TBCE: variants seen among roughly 807,000 people sequenced by gnomAD.
The protein encoded by TBCE is tubulin folding cofactor E.
TBCE carries 53 observed loss-of-function variants against 77.0 expected under a neutral mutation model. That is an observed-to-expected ratio of 0.69 (90% CI 0.55 to 0.87). The LOEUF (loss-of-function observed/expected upper bound fraction) is 0.87. Ranked by LOEUF, TBCE falls within the 40% of genes least tolerant of loss-of-function variation. The pLI, the probability that TBCE is intolerant of heterozygous loss-of-function variation, is 0.00. For synonymous variants in TBCE, 235 were observed against 241.3 expected (o/e 0.97, Z 0.24); for missense variants, 624 against 622.4 (o/e 1.00, Z -0.03).
intron 5 of TBCE, among the ~76,000 whole-genome samples, chr1:235,420,247 T>C (rs1398556182): frequency 6.6e-6 from 1 of 151,946 alleles, no homozygotes; most frequent in African/African-American, 2.4e-5. Flanking sequence ...AGAGGGAACC[T>C]GGGCTGCTGA....
At chr1:235,393,255 A>G (rs1197482428) in intron 2 of TBCE, among the ~76,000 whole-genome samples, 4 of 152,120 alleles carry the variant, frequency 2.6e-5, no homozygotes, top group Non-Finnish European at 5.9e-5. Flanking sequence ...ATAGTATTTA[A>G]TGGTCGGGCG....
At position 235,449,114 on chromosome 1, in the gene TBCE, A is replaced by C. The variant is rs771536610; in HGVS notation, c.*352A>C. 2.4e-5 allele frequency: 7 copies of C among 286,624 alleles called. No homozygotes were observed. The highest frequency in any genetic ancestry group is 4.0e-5 in the Non-Finnish European group (6 of 148,256). The allele number at this position is 286,624 out of a possible 1,614,324, so 17.8% of individuals were successfully genotyped here. The stretch of plus-strand genomic sequence containing the variant: ...CTGTCATAAGACTAGTTTTAATGGA[A>C]TTCTCTATTGAAACTACTATTTTAA... On this transcript the variant is annotated 3_prime_UTR_variant, in exon 17 of 17. Transcript: ENST00000642610.
chr1:235,389,690 C>T (rs1331916959), intron 2 of TBCE, among the ~76,000 whole-genome samples: 1 of 152,052 alleles, frequency 6.6e-6, no homozygotes, highest in African/African-American at 2.4e-5. Flanking sequence ...AAATTGAACA[C>T]AGATTTAGTA....
chr1:235,439,969 T>G (rs1234404854), intron 13 of TBCE, among the ~76,000 whole-genome samples: 1 of 151,520 alleles, frequency 6.6e-6, no homozygotes, highest in Non-Finnish European at 1.5e-5. Flanking sequence ...GCCTGGCTAA[T>G]TTTTGTATAT....
chr1:235,437,311 C>T lies in TBCE; in HGVS notation c.964-11C>T, dbSNP rs565145666. The stretch of plus-strand genomic sequence containing the variant: ...ACCGCTTTTCATTTATTTCCTTTTG[C>T]TGTGTTTCAGTGGTCGTTTTTCAAT... On this transcript the variant is annotated splice_polypyrimidine_tract_variant and intron_variant, in intron 11 of 16. Transcript: ENST00000642610. 83 of 1,613,928 alleles carry T rather than the reference C, an allele frequency of 5.1e-5. No homozygotes were observed. Among genetic ancestry groups the T allele is most frequent in the Non-Finnish European group, 6.6e-5 (78 of 1,179,938 alleles).
intron 15 of TBCE, 93 bp downstream of exon 15, chr1:235,443,004 A>T (rs1170303470): frequency 4.8e-6 from 6 of 1,242,192 alleles, no homozygotes; most frequent in African/African-American, 1.5e-5. Flanking sequence ...CATGTCTCAA[A>T]GTGTGGACCT....
chr1:235,377,852 C>T (rs575248948), intron 1 of TBCE, among the ~76,000 whole-genome samples: 212 of 152,102 alleles, frequency 1.4e-3, no homozygotes, highest in Admixed American at 2.6e-3. Flanking sequence ...GGGGTTTCAC[C>T]ATGGTGGTCA....
intron 11 of TBCE, 67 bp downstream of exon 11, chr1:235,436,675 G>A (rs997748714): frequency 6.2e-6 from 9 of 1,447,632 alleles, no homozygotes; most frequent in Non-Finnish European, 9.7e-7. Flanking sequence ...AGAGTTTGGA[G>A]GTTCCTTCTA....
Position 235,450,022 on chromosome 1 carries a change from G to GTT in TBCE, c.*1261_*1262dup. On this transcript the variant is annotated 3_prime_UTR_variant, in exon 17 of 17. Transcript: ENST00000642610. ...AAACTTTTCTTATGCTACAGTACAA[G>GTT]TTGATTTTTAAGGAAATTTGTGCAA... The GTT allele has an allele frequency of 1.6e-6, 1 of 613,926 alleles. No individual in the cohort carries two copies. The allele number at this position is 613,926 out of a possible 1,614,324, so 38.0% of individuals were successfully genotyped here.
At chr1:235,426,925 C>T (rs1424611205) in intron 5 of TBCE, among the ~76,000 whole-genome samples, 2 of 152,200 alleles carry the variant, frequency 1.3e-5, no homozygotes, top group East Asian at 3.9e-4. Context: ...GGATTACAGG[C>T]GTGAGCCACC....
chr1:235,415,321 C>A (rs955358983), intron 4 of TBCE: 14 of 152,412 alleles, frequency 9.2e-5, no homozygotes, highest in African/African-American at 3.4e-4. Flanking sequence ...CAAGAACATT[C>A]TCTTTTCTCT....
chr1:235,370,668 G>A (rs1172855764), intron 1 of TBCE, among the ~76,000 whole-genome samples: 1 of 149,404 alleles, frequency 6.7e-6, no homozygotes, highest in Non-Finnish European at 1.5e-5. Context: ...TAATATAATT[G>A]TTGATTGAAT....
intron 3 of TBCE, among the ~76,000 whole-genome samples, chr1:235,413,343 AGAGT>A (rs1404152153): frequency 6.6e-6 from 1 of 151,324 alleles, no homozygotes; most frequent in African/African-American, 2.4e-5. Context: ...CCGAGGTGAC[AGAGT>A]GAGACCCCCT....
chr1:235,408,303 AAAAG>A (rs1185201071), intron 3 of TBCE, among the ~76,000 whole-genome samples: 1 of 152,236 alleles, frequency 6.6e-6, no homozygotes, highest in Non-Finnish European at 1.5e-5. Context: ...TTAAACTAAA[AAAAG>A]AAAGCCCTTG....
intron 3 of TBCE, chr1:235,413,998 G>A (rs1389975248): frequency 4.3e-6 from 1 of 234,450 alleles, no homozygotes; most frequent in African/African-American, 2.4e-5. Flanking sequence ...GGGACTACAG[G>A]TGTGCACCAC....
intron 3 of TBCE, among the ~76,000 whole-genome samples, chr1:235,402,053 G>A (rs1048598616): frequency 6.7e-6 from 1 of 150,072 alleles, no homozygotes; most frequent in Non-Finnish European, 1.5e-5. Context: ...ATGTCACATT[G>A]CATTTCTTTG....
chr1:235,378,574 C>T (rs563331405), intron 1 of TBCE, among the ~76,000 whole-genome samples: 2 of 151,900 alleles, frequency 1.3e-5, no homozygotes, highest in Non-Finnish European at 2.9e-5. Flanking sequence ...AGGCCGGCCG[C>T]GGTGGCTGAT....
intron 7 of TBCE, among the ~76,000 whole-genome samples, chr1:235,431,818 A>G (rs542943843): frequency 2.0e-5 from 3 of 149,116 alleles, no homozygotes; most frequent in Admixed American, 6.7e-5. Context: ...GATTACAGGC[A>G]TGTACCACCA....
At chr1:235,419,426 A>G in intron 4 of TBCE, 47 bp from the exon 5 acceptor site, 1 of 1,613,882 alleles carries the variant, frequency 6.2e-7, no homozygotes, top group Non-Finnish European at 8.5e-7. Context: ...GGGCCAGTGG[A>G]TAGCATACGT....
Sources: gnomAD v4.1 joint callset for allele counts (sites outside exome capture counted in the v4.1 genomes callset) on GRCh38, gnomAD v4.1.1 for gene constraint, MANE v1.5 for transcripts, NCBI Gene and HGNC (gene_info 2026-07-23, HGNC 2026-07-21) for gene names.